HS6ST3: variants seen among roughly 807,000 people sequenced by gnomAD.
HS6ST3 encodes the protein heparan-sulfate 6-O-sulfotransferase 3.
In HS6ST3, 12 loss-of-function variants were observed where a neutral mutation model predicts 36.7. That is an observed-to-expected ratio of 0.33 (90% CI 0.21 to 0.53). HS6ST3 has a LOEUF of 0.53. Among genes scored for constraint, HS6ST3 ranks in the 20% least tolerant of loss-of-function variants. The pLI, the probability that HS6ST3 is intolerant of heterozygous loss-of-function variation, is 0.95. For missense variants in HS6ST3, 584 were observed against 640.9 expected, an observed-to-expected ratio of 0.91 and a Z score of 0.96; for synonymous variants, 240 against 257.5, an observed-to-expected ratio of 0.93 and a Z score of 0.65.
intron 1 of HS6ST3, among the ~76,000 whole-genome samples, chr13:96,141,021 T>C (rs561290596): frequency 2.0e-5 from 3 of 152,296 alleles, no homozygotes; most frequent in Admixed American, 2.0e-4. Context: ...AGAAAGGATA[T>C]CTACCAGAAC....
intron 1 of HS6ST3, among the ~76,000 whole-genome samples, chr13:96,588,153 T>TTG (rs953790335): frequency 2.0e-5 from 3 of 152,070 alleles, no homozygotes; most frequent in African/African-American, 4.8e-5. Flanking sequence ...TTTATGTGTA[T>TTG]TGTGTGTGTG....
chr13:96,812,158 C>G (rs1056246436), intron 1 of HS6ST3, among the ~76,000 whole-genome samples: 23 of 152,142 alleles, frequency 1.5e-4, no homozygotes, highest in African/African-American at 5.3e-4. Context: ...GCCACCCACA[C>G]AAGATGTTTG....
intron 1 of HS6ST3, among the ~76,000 whole-genome samples, chr13:96,772,833 G>T (rs1353025440): frequency 1.3e-5 from 2 of 152,088 alleles, no homozygotes; most frequent in Admixed American, 1.3e-4. Context: ...TTCTTTTTTG[G>T]GAATGGAAGA....
At chr13:96,635,590 A>G (rs1344717121) in intron 1 of HS6ST3, among the ~76,000 whole-genome samples, 2 of 152,182 alleles carry the variant, frequency 1.3e-5, no homozygotes, top group African/African-American at 4.8e-5. Context: ...ATAGCTCTAT[A>G]TAACCTCCAA....
intron 1 of HS6ST3, among the ~76,000 whole-genome samples, chr13:96,395,375 A>G (rs1313127195): frequency 6.6e-6 from 1 of 152,212 alleles, no homozygotes; most frequent in Non-Finnish European, 1.5e-5. Flanking sequence ...AATTCTAAGT[A>G]GGTGCTCCCG....
chr13:96,361,363 T>G (rs1197602245), intron 1 of HS6ST3, among the ~76,000 whole-genome samples: 1 of 152,216 alleles, frequency 6.6e-6, no homozygotes, highest in Non-Finnish European at 1.5e-5. Context: ...TTTCTTTATT[T>G]TATCTTATTC....
At chr13:96,556,037 G>T (rs970878711) in intron 1 of HS6ST3, among the ~76,000 whole-genome samples, 2 of 152,150 alleles carry the variant, frequency 1.3e-5, no homozygotes, top group African/African-American at 4.8e-5. Flanking sequence ...GATCTCCCGT[G>T]CATATGAACT....
chr13:96,291,338 T>G (rs1007566176), intron 1 of HS6ST3, among the ~76,000 whole-genome samples: 15 of 152,284 alleles, frequency 9.9e-5, no homozygotes, highest in African/African-American at 3.4e-4. Flanking sequence ...TGGGCTTGTT[T>G]AGTATTGATG....
At chr13:96,355,027 G>T (rs1021459728) in intron 1 of HS6ST3, among the ~76,000 whole-genome samples, 4 of 152,070 alleles carry the variant, frequency 2.6e-5, no homozygotes. Flanking sequence ...GCATTAGAAT[G>T]TGTCCACCTC....
chr13:96,740,597 C>G (rs1296121819), intron 1 of HS6ST3, among the ~76,000 whole-genome samples: 1 of 152,170 alleles, frequency 6.6e-6, no homozygotes, highest in African/African-American at 2.4e-5. Flanking sequence ...TAATCACTCT[C>G]TTTGCTATGG....
At chr13:96,708,026 C>A (rs966833596) in intron 1 of HS6ST3, among the ~76,000 whole-genome samples, 3 of 152,108 alleles carry the variant, frequency 2.0e-5, no homozygotes, top group Admixed American at 6.5e-5. Context: ...TAAGGACATT[C>A]CAGATAGGCT....
intron 1 of HS6ST3, among the ~76,000 whole-genome samples, chr13:96,412,802 A>G (rs16953365): frequency 0.013 from 1,911 of 151,398 alleles, 49 homozygotes; most frequent in African/African-American, 0.044. Flanking sequence ...AAAACCCACA[A>G]ATTTCCATGT....
chr13:96,549,949 T>G (rs1333216131), intron 1 of HS6ST3, among the ~76,000 whole-genome samples: 3 of 152,200 alleles, frequency 2.0e-5, no homozygotes, highest in Admixed American at 6.5e-5. Flanking sequence ...GTACATTCTT[T>G]TGTCATCTCC....
intron 1 of HS6ST3, among the ~76,000 whole-genome samples, chr13:96,513,829 T>G (rs1385701528): frequency 1.3e-5 from 2 of 152,022 alleles, no homozygotes; most frequent in Non-Finnish European, 2.9e-5. Flanking sequence ...GGAGGCCATC[T>G]TTGAGCAGAG....
At chr13:96,831,874 G>A (rs1220558458) in intron 1 of HS6ST3, among the ~76,000 whole-genome samples, 1 of 143,894 alleles carries the variant, frequency 6.9e-6, no homozygotes, top group Admixed American at 7.5e-5. Context: ...AGAATCGCTT[G>A]AACCCGGGAG....
intron 1 of HS6ST3, among the ~76,000 whole-genome samples, chr13:96,474,448 A>G (rs2055853737): frequency 6.6e-6 from 1 of 152,192 alleles, no homozygotes; most frequent in Non-Finnish European, 1.5e-5. Flanking sequence ...GAGCAAATAT[A>G]GGGGCCTGGG....
chr13:96,310,121 A>G (rs1278134952), intron 1 of HS6ST3, among the ~76,000 whole-genome samples: 4 of 152,166 alleles, frequency 2.6e-5, no homozygotes, highest in South Asian at 4.1e-4. Flanking sequence ...AGAATTTTAT[A>G]TGTGTATAGT....
At chr13:96,700,914 C>G (rs1228889205) in intron 1 of HS6ST3, among the ~76,000 whole-genome samples, 1 of 152,146 alleles carries the variant, frequency 6.6e-6, no homozygotes, top group Non-Finnish European at 1.5e-5. Context: ...AAACTCCTTA[C>G]TCATGTCAGG....
chr13:96,564,568 A>T (rs1006756240), intron 1 of HS6ST3, among the ~76,000 whole-genome samples: 2 of 152,198 alleles, frequency 1.3e-5, no homozygotes, highest in Non-Finnish European at 2.9e-5. Context: ...TGAAAATATA[A>T]ATAAAAAAGA....
Sources: gnomAD v4.1 joint callset for allele counts (sites outside exome capture counted in the v4.1 genomes callset) on GRCh38, gnomAD v4.1.1 for gene constraint, MANE v1.5 for transcripts, NCBI Gene and HGNC (gene_info 2026-07-23, HGNC 2026-07-21) for gene names.